PCDHGA10: variants seen among roughly 807,000 people sequenced by gnomAD.
PCDHGA10 encodes protocadherin gamma subfamily A, 10, also known as protocadherin gamma-A10.
Under a neutral mutation model 59.5 loss-of-function variants are expected in PCDHGA10, and 42 were observed. That is an observed-to-expected ratio of 0.71 (90% confidence interval 0.55 to 0.91). The LOEUF (loss-of-function observed/expected upper bound fraction) is 0.91, where lower values mean the gene tolerates loss of function less well. PCDHGA10 is among the 40% of genes least tolerant of loss of function. PCDHGA10 has a pLI of 0.00. For missense variants in PCDHGA10, 1,111 were observed against 1,198.2 expected, an observed-to-expected ratio of 0.93 and a Z score of 1.07; for synonymous variants, 511 against 517.2, an observed-to-expected ratio of 0.99 and a Z score of 0.16.
intron 1 of PCDHGA10, among the ~76,000 whole-genome samples, chr5:141,472,001 G>A (rs992798148): frequency 1.1e-4 from 17 of 152,022 alleles, no homozygotes; most frequent in East Asian, 3.9e-4. Context: ...TCCCTGCATC[G>A]TATAGGGGCA....
Position 141,483,648 on chromosome 5 carries a change from T to TTGTG in PCDHGA10, c.2437-11141_2437-11138dup, listed in dbSNP as rs111458813. ...GGAGAAGGTATAGAGGGGTGTGTGTTTGTGTGTGTGTGTGTGTGTGTAAAA... is the reference window on the plus strand; with the variant it reads ...GGAGAAGGTATAGAGGGGTGTGTGTTTGTGTGTGTGTGTGTGTGTGTGTGTAAAA... On this transcript the variant is annotated intron_variant, in intron 1 of 3. Coordinates refer to ENST00000398610, the MANE Select transcript of PCDHGA10 (RefSeq NM_018913.3). Among the ~76,000 whole-genome samples, 501 of 149,686 alleles carry TTGTG rather than the reference T, an allele frequency of 3.3e-3. 2 individuals are homozygous for TTGTG. Among genetic ancestry groups the TTGTG allele is most frequent in the African/African-American group, 7.3e-3 (297 of 40,842 alleles).
chr5:141,435,454 T>C (rs1407615505), intron 1 of PCDHGA10, among the ~76,000 whole-genome samples: 1 of 152,220 alleles, frequency 6.6e-6, no homozygotes, highest in Non-Finnish European at 1.5e-5. Flanking sequence ...ACGATATCTG[T>C]ATGTGTTTCC....
At chr5:141,415,895 G>A in intron 1 of PCDHGA10, 1 of 898,210 alleles carries the variant, frequency 1.1e-6, no homozygotes, top group Non-Finnish European at 1.5e-6. Flanking sequence ...CAATTCCTAA[G>A]ACAGACTTCC....
intron 1 of PCDHGA10, chr5:141,426,414 G>A (rs2096934345): frequency 3.5e-6 from 1 of 287,986 alleles, no homozygotes; most frequent in Admixed American, 4.4e-5. Context: ...AAACGGTCCA[G>A]GGCTCCGTGG....
At chr5:141,427,499 T>C in intron 1 of PCDHGA10, 2 of 571,516 alleles carry the variant, frequency 3.5e-6, no homozygotes, top group Non-Finnish European at 3.3e-6. Flanking sequence ...TTGTAACAGA[T>C]GGGACCCTGG....
chr5:141,416,224 T>G (rs2096006627), intron 1 of PCDHGA10: 1 of 152,382 alleles, frequency 6.6e-6, no homozygotes, highest in Admixed American at 6.5e-5. Context: ...TATGCTTAGA[T>G]TTTTCCAGCC....
intron 1 of PCDHGA10, among the ~76,000 whole-genome samples, chr5:141,449,131 G>A (rs530494400): frequency 7.9e-5 from 12 of 152,220 alleles, no homozygotes; most frequent in Non-Finnish European, 1.3e-4. Flanking sequence ...CCCAGAAATG[G>A]AATTGAAATT....
Position 141,421,478 on chromosome 5 carries a change from G to A in PCDHGA10, c.2436+5867G>A, listed in dbSNP as rs763769838. The A allele has an allele frequency of 2.5e-6, 4 of 1,614,012 alleles. No individual in the cohort carries two copies. In the African/African-American group the frequency reaches 4.0e-5, roughly 16 times the overall value. On this transcript the variant is annotated intron_variant, in intron 1 of 3. Coordinates refer to ENST00000398610, the MANE Select transcript of PCDHGA10 (RefSeq NM_018913.3). ...TTCGCTGTGAATCCGCGAAGCGGCA[G>A]CTTGATCACGGCAGGCAGGATAGAC... is the stretch of plus-strand genomic sequence containing the variant.
At chr5:141,433,202 T>C (rs1433315739) in intron 1 of PCDHGA10, 2 of 1,578,202 alleles carry the variant, frequency 1.3e-6, no homozygotes, top group Non-Finnish European at 1.7e-6. Context: ...ATATCAAATC[T>C]TCTTTCTTTT....
At chr5:141,510,169 A>G (rs927072830) in intron 3 of PCDHGA10, among the ~76,000 whole-genome samples, 7 of 151,230 alleles carry the variant, frequency 4.6e-5, no homozygotes, top group Non-Finnish European at 1.0e-4. Context: ...GCTACTCAGG[A>G]GGTTGAGGCA....
At chr5:141,452,879 A>C (rs1389712789) in intron 1 of PCDHGA10, among the ~76,000 whole-genome samples, 1 of 152,200 alleles carries the variant, frequency 6.6e-6, no homozygotes, top group Admixed American at 6.5e-5. Context: ...CATTTGTAAT[A>C]ATTTATTCCA....
chr5:141,422,746 T>G (rs763386007), intron 1 of PCDHGA10: 1 of 1,611,014 alleles, frequency 6.2e-7, no homozygotes, highest in Non-Finnish European at 8.5e-7. Context: ...CTCCTATGTC[T>G]CTATTAACTC....
intron 1 of PCDHGA10, among the ~76,000 whole-genome samples, chr5:141,442,789 T>C (rs2098343347): frequency 6.6e-6 from 1 of 152,196 alleles, no homozygotes; most frequent in African/African-American, 2.4e-5. Flanking sequence ...ATTTTATAAT[T>C]TTACTTTGAT....
At chr5:141,497,018 A>G (rs988584487) in intron 2 of PCDHGA10, among the ~76,000 whole-genome samples, 1 of 152,084 alleles carries the variant, frequency 6.6e-6, no homozygotes, top group Non-Finnish European at 1.5e-5. Flanking sequence ...GTGAAACCCC[A>G]TCTCGATTAA....
rs1430298222 is a variant in PCDHGA10, at chr5:141,476,741, A to C, written c.2437-18066A>C. ...CGCCCTGGACCGAGAACGGGAGCCTAGTCTCCAGTTAGTGCTGACGGCGTT... is the reference window on the plus strand; with the variant it reads ...CGCCCTGGACCGAGAACGGGAGCCTCGTCTCCAGTTAGTGCTGACGGCGTT... On this transcript the variant is annotated intron_variant, in intron 1 of 3. Coordinates refer to ENST00000398610, the MANE Select transcript of PCDHGA10 (RefSeq NM_018913.3). The surrounding 1 kb of genome is among the most constrained non-coding windows in gnomAD (Gnocchi z 7.6). 1 of 1,613,936 alleles carries C rather than the reference A, an allele frequency of 6.2e-7. No homozygotes were observed. Among genetic ancestry groups the C allele is most frequent in the South Asian group, 1.1e-5 (1 of 91,088 alleles).
intron 2 of PCDHGA10, among the ~76,000 whole-genome samples, chr5:141,495,507 C>T (rs1380258502): frequency 6.6e-6 from 1 of 152,188 alleles, no homozygotes; most frequent in African/African-American, 2.4e-5. Context: ...TCCGTCTTTG[C>T]CACTTTCTCT....
Position 141,432,928 on chromosome 5 carries a change from C to T in PCDHGA10, c.2436+17317C>T, listed in dbSNP as rs1443097611. ...GGCTGCGGCGCTGGCACAAGTCACG[C>T]CTGCTGCAGGCTTCAGGAGGCGGCT... On this transcript the variant is annotated intron_variant, in intron 1 of 3. Transcript: ENST00000398610. This position sits in a 1 kb window ranked among gnomAD's most constrained non-coding sequence, Gnocchi z 6.0. 1.2e-6 allele frequency: 2 copies of T among 1,614,066 alleles called. No homozygotes were observed. Among genetic ancestry groups the T allele is most frequent in the African/African-American group, 1.3e-5 (1 of 74,942 alleles).
chr5:141,457,417 CTTTT>C (rs894846890), intron 1 of PCDHGA10, among the ~76,000 whole-genome samples: 4 of 152,180 alleles, frequency 2.6e-5, no homozygotes, highest in Admixed American at 2.6e-4. Context: ...TTACCCATCC[CTTTT>C]TCCCCCCCAC....
chr5:141,497,031 A>G (rs898409925), intron 2 of PCDHGA10, among the ~76,000 whole-genome samples: 14 of 152,184 alleles, frequency 9.2e-5, no homozygotes, highest in African/African-American at 3.4e-4. Context: ...TCGATTAAAA[A>G]TACAAAAATT....
Sources: gnomAD v4.1 joint callset for allele counts (sites outside exome capture counted in the v4.1 genomes callset) on GRCh38, gnomAD v4.1.1 for gene constraint, Gnocchi (gnomAD v3.1) non-coding constraint, MANE v1.5 for transcripts, NCBI Gene and HGNC (gene_info 2026-07-23, HGNC 2026-07-21) for gene names.